DUSP16: variants seen among roughly 807,000 people sequenced by gnomAD.
DUSP16 encodes dual specificity protein phosphatase 16.
A neutral mutation model predicts 58.3 loss-of-function variants in DUSP16; 21 were observed. The ratio of observed to expected loss-of-function variants is 0.36; its 90% CI spans 0.26 to 0.52. DUSP16 has a LOEUF of 0.52. Among genes scored for constraint, DUSP16 ranks in the 20% least tolerant of loss-of-function variants. DUSP16 has a pLI of 0.94. For synonymous variants in DUSP16, 320 were observed against 323.8 expected, an observed-to-expected ratio of 0.99 and a Z score of 0.12; for missense variants, 726 against 819.0, an observed-to-expected ratio of 0.89 and a Z score of 1.39.
chr12:12,552,554 C>T (rs542687973), intron 1 of DUSP16, among the ~76,000 whole-genome samples: 24 of 152,314 alleles, frequency 1.6e-4, no homozygotes, highest in African/African-American at 5.8e-4. Context: ...CCTTCTTCAA[C>T]TATGTATCCG....
intron 1 of DUSP16, among the ~76,000 whole-genome samples, chr12:12,556,870 A>T (rs1944813651): frequency 6.6e-6 from 1 of 152,214 alleles, no homozygotes; most frequent in African/African-American, 2.4e-5. Flanking sequence ...AACAGGTGTC[A>T]TCCCTTACCC....
chr12:12,522,568 T>A (rs1473740333), intron 1 of DUSP16, among the ~76,000 whole-genome samples: 2 of 124,424 alleles, frequency 1.6e-5, no homozygotes, highest in Non-Finnish European at 3.7e-5. Flanking sequence ...AGAGGGTAAA[T>A]TTTTTTTTTT....
At chr12:12,490,332 T>C (rs1481772533) in intron 4 of DUSP16, among the ~76,000 whole-genome samples, 1 of 152,174 alleles carries the variant, frequency 6.6e-6, no homozygotes, top group Non-Finnish European at 1.5e-5. Flanking sequence ...ATCCAGATGC[T>C]ACCTGAAAAT....
Position 12,521,278 on chromosome 12 carries a change from T to A in DUSP16, c.-180A>T, listed in dbSNP as rs779642925. On this transcript the variant is annotated 5_prime_UTR_variant, in exon 2 of 7. In the 5' UTR this introduces an upstream ATG that the reference lacks. Transcript: ENST00000298573. Reference sequence around the variant, plus strand: ...CAAGAGCCCTCCAAGTGAATGTCTCTTTCTCTTTCCCGTTGATGTGCTCTT... The same window carrying A: ...CAAGAGCCCTCCAAGTGAATGTCTCATTCTCTTTCCCGTTGATGTGCTCTT... The A allele has an allele frequency of 1.1e-5, 16 of 1,438,734 alleles. No individual in the cohort carries two copies. The African/African-American group carries it at 2.1e-4, about 19-fold the overall frequency. 89.1% of individuals were successfully genotyped at this position (1,438,734 alleles called of 1,614,324 possible).
At chr12:12,543,734 GA>G (rs147225600) in intron 1 of DUSP16, among the ~76,000 whole-genome samples, 1 of 151,760 alleles carries the variant, frequency 6.6e-6, no homozygotes, top group East Asian at 1.9e-4. Context: ...TTTGTGAAGA[GA>G]AAAAAAGAAT....
At chr12:12,478,625 C>CATGCCTG (rs1311470396) in intron 6 of DUSP16, among the ~76,000 whole-genome samples, 1 of 152,072 alleles carries the variant, frequency 6.6e-6, no homozygotes, top group African/African-American at 2.4e-5. Flanking sequence ...TGTGAGCCAC[C>CATGCCTG]ATGCCTGGCC....
chr12:12,496,379 A>G (rs1943827884), intron 4 of DUSP16, among the ~76,000 whole-genome samples: 1 of 152,218 alleles, frequency 6.6e-6, no homozygotes, highest in African/African-American at 2.4e-5. Flanking sequence ...AACAACAGAG[A>G]ATGTAGCAGT....
chr12:12,560,946 T>TCACACACCCACACCCA (rs56190302), intron 1 of DUSP16: 1 of 148,144 alleles, frequency 6.8e-6, no homozygotes. Flanking sequence ...ATGGTAAATT[T>TCACACACCCACACCCA]CACACACACA....
At position 12,477,782 on chromosome 12, in the gene DUSP16, G is replaced by A; in HGVS notation, c.1049C>T (p.Ala350Val). The change falls in exon 7 of 7, where the codon GCA becomes GTA. Residue 350 changes from alanine (A) to valine (V), a missense_variant. Coordinates refer to ENST00000298573, the MANE Select transcript of DUSP16 (RefSeq NM_030640.3). The surrounding 1 kb of genome is among the most constrained non-coding windows in gnomAD (Gnocchi z 4.1). Reference sequence around the variant, plus strand: ...GGCGGGATGCACGGGCCTTTGTCCTGCTGCCTCTGAGGTAGCAGAGTCGGC... The same window carrying A: ...GGCGGGATGCACGGGCCTTTGTCCTACTGCCTCTGAGGTAGCAGAGTCGGC... ...PCADSATSEA[A>V]GQRPVHPASV... 1 of 1,613,976 alleles carries A rather than the reference G, an allele frequency of 6.2e-7. No homozygotes were observed. Among genetic ancestry groups the A allele is most frequent in the East Asian group, 2.2e-5 (1 of 44,878 alleles).
In DUSP16 at chr12:12,477,857, G is replaced by T. The variant is rs1464904410; in HGVS notation, c.974C>A (p.Ala325Asp). The T allele has an allele frequency of 6.2e-7, 1 of 1,614,176 alleles. No individual in the cohort carries two copies. ...GCTTTTCTGTCCACCCTCTGAGACA[G>T]CAGGGACAGGTTCATTTGGCTTCTC... ...HLEKPNEPVP[A>D]VSEGGQKSET... Residue 325 changes from alanine to aspartate, a missense_variant, in exon 7 of 7, where the codon GCT (alanine) becomes GAT (aspartate). Physicochemically the swap from Ala to Asp is moderately radical, Grantham distance 126. Coordinates refer to ENST00000298573, the MANE Select transcript of DUSP16 (RefSeq NM_030640.3). This position sits in a 1 kb window ranked among gnomAD's most constrained non-coding sequence, Gnocchi z 4.1.
At chr12:12,488,374 C>G (rs16916539) in intron 4 of DUSP16, among the ~76,000 whole-genome samples, 11 of 152,106 alleles carry the variant, frequency 7.2e-5, no homozygotes, top group African/African-American at 2.7e-4. Flanking sequence ...TAGTGTGTTA[C>G]CATTAACAGA....
intron 3 of DUSP16, among the ~76,000 whole-genome samples, chr12:12,515,682 T>C (rs779339259): frequency 1.3e-5 from 2 of 151,906 alleles, no homozygotes; most frequent in Admixed American, 6.6e-5. Context: ...GATATGCAGG[T>C]CTTTAAATTG....
At chr12:12,536,576 C>A (rs762967695) in intron 1 of DUSP16, among the ~76,000 whole-genome samples, 2 of 151,694 alleles carry the variant, frequency 1.3e-5, no homozygotes, top group African/African-American at 4.9e-5. Flanking sequence ...GAGACCCTGT[C>A]TCTACTAAAA....
At chr12:12,483,364 CTTATTT>C (rs1013208173) in intron 5 of DUSP16, among the ~76,000 whole-genome samples, 41 of 152,034 alleles carry the variant, frequency 2.7e-4, no homozygotes, top group African/African-American at 6.8e-4. Flanking sequence ...ATCTATTTTA[CTTATTT>C]TTATTTTATC....
intron 3 of DUSP16, among the ~76,000 whole-genome samples, chr12:12,502,607 G>A (rs1315107065): frequency 1.3e-5 from 2 of 148,190 alleles, no homozygotes; most frequent in African/African-American, 2.5e-5. Context: ...GCTAGAGTGC[G>A]ATGGCATGAT....
chr12:12,551,388 G>A (rs534264678), intron 1 of DUSP16, among the ~76,000 whole-genome samples: 4 of 149,940 alleles, frequency 2.7e-5, no homozygotes, highest in African/African-American at 9.8e-5. Context: ...TGTAATCTGA[G>A]CTAGGCAGAG....
chr12:12,513,298 T>C (rs1944104358), intron 3 of DUSP16, among the ~76,000 whole-genome samples: 1 of 152,238 alleles, frequency 6.6e-6, no homozygotes, highest in Non-Finnish European at 1.5e-5. Context: ...AGTTTAATGC[T>C]TTAAAACAAT....
chr12:12,545,350 TC>T (rs1443428632), intron 1 of DUSP16, among the ~76,000 whole-genome samples: 1 of 151,862 alleles, frequency 6.6e-6, no homozygotes, highest in Non-Finnish European at 1.5e-5. Context: ...AACCTCTGCC[TC>T]CCAGGTTCAA....
chr12:12,529,671 A>G (rs1458351475), intron 1 of DUSP16, among the ~76,000 whole-genome samples: 1 of 152,062 alleles, frequency 6.6e-6, no homozygotes, highest in Non-Finnish European at 1.5e-5. Flanking sequence ...TTTCACCAAC[A>G]TCTCCCCAGG....
Sources: gnomAD v4.1 joint callset for allele counts (sites outside exome capture counted in the v4.1 genomes callset) on GRCh38, gnomAD v4.1.1 for gene constraint, Gnocchi (gnomAD v3.1) non-coding constraint, MANE v1.5 for transcripts, NCBI Gene and HGNC (gene_info 2026-07-23, HGNC 2026-07-21) for gene names.